The following AMDHD1 variants were observed in gnomAD, a reference collection of about 807,000 sequenced individuals.
AMDHD1 encodes the protein amidohydrolase domain containing 1.
Under a neutral mutation model 44.1 loss-of-function variants are expected in AMDHD1, and 45 were observed. The ratio of observed to expected loss-of-function variants is 1.02; its 90% CI spans 0.80 to 1.31. The LOEUF is 1.31. AMDHD1 is among the 50% of genes most tolerant of loss of function. AMDHD1 has a pLI of 0.00. For missense variants in AMDHD1, 586 were observed against 552.1 expected (o/e 1.06, Z -0.61); for synonymous variants, 206 against 205.0 (o/e 1.00, Z -0.04).
chr12:95,960,314 C>G lies in AMDHD1; in HGVS notation c.588-84C>G, dbSNP rs1213880201. 13 of 1,196,896 alleles carry G rather than the reference C, an allele frequency of 1.1e-5. No individual in the cohort carries two copies. The South Asian group carries it at 1.4e-4, about 13-fold the overall frequency. 74.1% of individuals were successfully genotyped at this position (1,196,896 alleles called of 1,614,324 possible). ...GAAGTCATTTACCTCTACTGCTCCT[C>G]AGGTTCTTCAAGTGCCAGATTACCC... On this transcript the variant is annotated intron_variant, in intron 4 of 8. Coordinates refer to ENST00000266736, the MANE Select transcript of AMDHD1 (RefSeq NM_152435.3).
At chr12:95,958,810 C>CT (rs1203715608) in intron 4 of AMDHD1, among the ~76,000 whole-genome samples, 1 of 152,152 alleles carries the variant, frequency 6.6e-6, no homozygotes, top group Non-Finnish European at 1.5e-5. Flanking sequence ...AATCCCAGCA[C>CT]TTTGGGGGGC....
chr12:95,948,354 G>T (rs2080510263), intron 1 of AMDHD1, among the ~76,000 whole-genome samples: 1 of 67,424 alleles, frequency 1.5e-5, no homozygotes, highest in Non-Finnish European at 2.8e-5. Flanking sequence ...CGTCTGGGAG[G>T]GAGGTGGGGG....
At chr12:95,961,923 C>T (rs1258865525) in intron 5 of AMDHD1, among the ~76,000 whole-genome samples, 2 of 152,208 alleles carry the variant, frequency 1.3e-5, no homozygotes, top group Non-Finnish European at 2.9e-5. Flanking sequence ...GGGCTTACAA[C>T]GGTTGGTTGG....
Position 95,943,442 on chromosome 12 carries a change from T to C in AMDHD1, c.44T>C (p.Val15Ala). ...CTCCTGCTGGAGAACGCGCAGCAAG[T>C]GGTGCTGGTGTGCGCCCGCGGCGAG... ...HSLLLENAQQ[V>A]VLVCARGERF... The change falls in exon 1 of 9, where the codon GTG becomes GCG. Residue 15 changes from valine to alanine, a missense_variant. Coordinates refer to ENST00000266736, the MANE Select transcript of AMDHD1 (RefSeq NM_152435.3). 10 of 1,504,346 alleles carry C rather than the reference T, an allele frequency of 6.6e-6. No homozygotes were observed. The highest frequency in any genetic ancestry group is 8.8e-6 in the Non-Finnish European group (10 of 1,132,438). 93.2% of individuals were successfully genotyped at this position (1,504,346 alleles called of 1,614,324 possible).
chr12:95,954,081 T>A (rs2136763159), intron 2 of AMDHD1, among the ~76,000 whole-genome samples: 1 of 152,340 alleles, frequency 6.6e-6, no homozygotes, highest in Admixed American at 6.5e-5. Context: ...AACAAAAGTT[T>A]CAAGTGATTG....
At chr12:95,967,445 A>G (rs2080617133) in intron 8 of AMDHD1, among the ~76,000 whole-genome samples, 1 of 152,206 alleles carries the variant, frequency 6.6e-6, no homozygotes, top group Non-Finnish European at 1.5e-5. Flanking sequence ...CTCCAGAGAC[A>G]CCTGCTTTAA....
At chr12:95,951,242 A>G (rs765508133) in intron 1 of AMDHD1, among the ~76,000 whole-genome samples, 17 of 152,024 alleles carry the variant, frequency 1.1e-4, no homozygotes, top group Non-Finnish European at 2.1e-4. Context: ...CTCCCCTTCT[A>G]TTCTTCCCAG....
In AMDHD1 at chr12:95,965,595, C is replaced by T. The variant is rs909732867; in HGVS notation, c.939-91C>T. ...TGCTTCTTCTTCCAGAATATGAAGG[C>T]GTTGACTGTCTCAAGTTCTCTTCTG... On this transcript the variant is annotated intron_variant, in intron 6 of 8. Transcript: ENST00000266736. 52 of 708,736 alleles carry T rather than the reference C, an allele frequency of 7.3e-5. No homozygotes were observed. In the African/African-American group the frequency reaches 7.9e-4, roughly 11 times the overall value. The allele number at this position is 708,736 out of a possible 1,614,324, so 43.9% of individuals were successfully genotyped here. A position where few individuals can be genotyped will look rare whatever the true frequency, so the allele number is the denominator to read the frequency against.
At chr12:95,959,320 G>A (rs1387181342) in intron 4 of AMDHD1, among the ~76,000 whole-genome samples, 2 of 152,232 alleles carry the variant, frequency 1.3e-5, no homozygotes, top group Non-Finnish European at 2.9e-5. Flanking sequence ...TGGCCACCAT[G>A]TGGTAGAGCT....
intron 4 of AMDHD1, among the ~76,000 whole-genome samples, chr12:95,958,208 T>C (rs1299506635): frequency 6.6e-6 from 1 of 152,094 alleles, no homozygotes; most frequent in East Asian, 1.9e-4. Flanking sequence ...TGAGAACACT[T>C]AAAATCTATT....
In AMDHD1 at chr12:95,967,791, A is replaced by G. The variant is rs374698659; in HGVS notation, c.1229A>G (p.His410Arg). ...TTGATTTACCAGTTCGGAGGCCATC[A>G]TGAATTAATTGAATATGTTATAGCT... ...EHLIYQFGGH[H>R]ELIEYVIAKG... The change falls in exon 9 of 9, where the codon CAT (histidine) becomes CGT (arginine). Residue 410 changes from histidine to arginine, a missense_variant. By Grantham distance (29) the His-to-Arg change is conservative (BLOSUM62 0). Transcript: ENST00000266736. 6 of 1,596,414 alleles carry G rather than the reference A, an allele frequency of 3.8e-6. No individual in the cohort carries two copies. Among genetic ancestry groups the G allele is most frequent in the Non-Finnish European group, 4.3e-6 (5 of 1,174,224 alleles).
intron 4 of AMDHD1, among the ~76,000 whole-genome samples, chr12:95,958,689 G>A (rs2080564566): frequency 6.6e-6 from 1 of 152,174 alleles, no homozygotes; most frequent in Admixed American, 6.5e-5. Flanking sequence ...TAACTTTTCT[G>A]AACATGAATT....
In AMDHD1 at chr12:95,960,378, A is replaced by G. The variant is rs759966715; in HGVS notation, c.588-20A>G. On this transcript the variant is annotated intron_variant, in intron 4 of 8. Transcript: ENST00000266736. The stretch of plus-strand genomic sequence containing the variant: ...TTTGTTTTTAATATTTGCCCATGGC[A>G]ATCTCATTTTCTTCCCCAGAGGAAA... 12 of 1,607,106 alleles carry G rather than the reference A, an allele frequency of 7.5e-6. No individual in the cohort carries two copies. Among genetic ancestry groups the G allele is most frequent in the Non-Finnish European group, 9.4e-6 (11 of 1,175,042 alleles).
In AMDHD1 at chr12:95,956,682, C is replaced by T; in HGVS notation, c.310-3C>T. On this transcript the variant is annotated splice_polypyrimidine_tract_variant and splice_region_variant and intron_variant, in intron 3 of 8. Coordinates refer to ENST00000266736, the MANE Select transcript of AMDHD1 (RefSeq NM_152435.3). The stretch of plus-strand genomic sequence containing the variant: ...CTGGCCTAAAGGTGAGGCGTGTGTT[C>T]AGTTGGCAGGAGCCACCTACATGGA... The T allele has an allele frequency of 1.2e-6, 2 of 1,613,570 alleles. No individual in the cohort carries two copies. The highest frequency in any genetic ancestry group is 1.7e-6 in the Non-Finnish European group (2 of 1,179,540).
chr12:95,964,503 T>G (rs978718252), intron 6 of AMDHD1, among the ~76,000 whole-genome samples: 22 of 152,094 alleles, frequency 1.4e-4, no homozygotes, highest in African/African-American at 5.3e-4. Context: ...CTTTTACCCC[T>G]AAGTATTTAT....
intron 6 of AMDHD1, among the ~76,000 whole-genome samples, chr12:95,963,636 G>A (rs1455035825): frequency 1.3e-5 from 2 of 152,094 alleles, no homozygotes; most frequent in African/African-American, 4.8e-5. Flanking sequence ...TATGACCAAC[G>A]TCTTATACAT....
intron 2 of AMDHD1, 65 bp from the exon 3 acceptor site, chr12:95,954,846 G>A (rs1404633354): frequency 1.1e-5 from 17 of 1,494,606 alleles, no homozygotes; most frequent in South Asian, 2.3e-5. Flanking sequence ...TAGTGCTGCT[G>A]TTTGCCTGCT....
chr12:95,965,791 T>C lies in AMDHD1; in HGVS notation c.1032+12T>C, dbSNP rs1436372178. On this transcript the variant is annotated intron_variant, in intron 7 of 8. Transcript: ENST00000266736. The stretch of plus-strand genomic sequence containing the variant: ...ATTGCTTTTCAATGGTAATTATTTT[T>C]TTCATGTACCTTTCTGAGCAGAGTA... 1 of 1,567,264 alleles carries C rather than the reference T, an allele frequency of 6.4e-7. No individual in the cohort carries two copies. Among genetic ancestry groups the C allele is most frequent in the Non-Finnish European group, 8.8e-7 (1 of 1,142,054 alleles).
At chr12:95,959,790 CTT>C (rs63130861) in intron 4 of AMDHD1, among the ~76,000 whole-genome samples, 5,028 of 66,692 alleles carry the variant, frequency 0.075, 44 homozygotes, top group South Asian at 0.15. Context: ...GAAGATTATG[CTT>C]TTTTTTTTTT....
Sources: gnomAD v4.1 joint callset for allele counts (sites outside exome capture counted in the v4.1 genomes callset) on GRCh38, gnomAD v4.1.1 for gene constraint, MANE v1.5 for transcripts, NCBI Gene and HGNC (gene_info 2026-07-23, HGNC 2026-07-21) for gene names.